The following GAA variants were observed in gnomAD, a reference collection of about 807,000 sequenced individuals.
GAA encodes alpha glucosidase.
Under a neutral mutation model 103.9 loss-of-function variants are expected in GAA, and 88 were observed. The ratio of observed to expected loss-of-function variants is 0.85; its 90% CI spans 0.71 to 1.01. GAA has a LOEUF of 1.01. GAA is among the 50% of genes least tolerant of loss of function. The pLI, the probability that GAA is intolerant of heterozygous loss-of-function variation, is 0.00. For missense variants in GAA, 1,350 were observed against 1,305.3 expected (o/e 1.03, Z -0.53); for synonymous variants, 572 against 563.1 (o/e 1.02, Z -0.22).
rs2143854600 is a variant in GAA at position 80,108,499 on chromosome 17, C to T, written c.1086C>T (p.Phe362=). 6.2e-7 allele frequency: 1 copy of T among 1,613,088 alleles called. No homozygotes were observed. The highest frequency in any genetic ancestry group is 1.1e-5 in the South Asian group (1 of 91,090). ...GGCGTTGGCCTGCAGGATACCCGTT[C>T]ATGCCGCCATACTGGGGCCTGGGCT... ...QQYLDVVGYP[F]MPPYWGLGFH... The change falls in exon 7 of 20, where the codon TTC becomes TTT. Residue 362 remains phenylalanine, a synonymous_variant. Coordinates refer to ENST00000302262, the MANE Select transcript of GAA (RefSeq NM_000152.5).
rs1408592377 is a variant in GAA at position 80,118,364 on chromosome 17, CCTGGGG to C, written c.2646+11_2646+16del. On this transcript the variant is annotated splice_region_variant and intron_variant, in intron 18 of 19. Coordinates refer to ENST00000302262, the MANE Select transcript of GAA (RefSeq NM_000152.5). ...CATCTTCCTGGCCAGGAATGTGAGT[CCTGGGG>C]CTGCTCAGGCTGGTGGGCAGGGGCC... 1.3e-6 allele frequency: 2 copies of C among 1,561,120 alleles called. No homozygotes were observed. The highest frequency in any genetic ancestry group is 1.7e-6 in the Non-Finnish European group (2 of 1,152,204).
intron 15 of GAA, among the ~76,000 whole-genome samples, chr17:80,114,941 T>G (rs1029613313): frequency 1.3e-5 from 2 of 151,050 alleles, no homozygotes; most frequent in African/African-American, 4.9e-5. Context: ...CTCTGAACAC[T>G]TTGAACTTGT....
Position 80,112,861 on chromosome 17 carries a change from A to T in GAA, c.1889-15A>T, listed in dbSNP as rs769015085. 2 of 1,603,556 alleles carry T rather than the reference A, an allele frequency of 1.2e-6. No individual in the cohort carries two copies. The highest frequency in any genetic ancestry group is 3.4e-5 in the Admixed American group (2 of 58,922). Reference sequence around the variant, plus strand: ...CTGCAGCAGCCTGAGGACCAGCCTGACTCTGCCCTCCCAGAAATCCTGCAG... The same window carrying T: ...CTGCAGCAGCCTGAGGACCAGCCTGTCTCTGCCCTCCCAGAAATCCTGCAG... On this transcript the variant is annotated splice_polypyrimidine_tract_variant and intron_variant, in intron 13 of 19. Transcript: ENST00000302262.
chr17:80,110,817 G>A lies in GAA; in HGVS notation c.1528G>A (p.Val510Met). Residue 510 changes from valine (V) to methionine (M), a missense_variant, in exon 10 of 20, where the codon GTG becomes ATG. Coordinates refer to ENST00000302262, the MANE Select transcript of GAA (RefSeq NM_000152.5). The stretch of plus-strand genomic sequence containing the variant: ...CATGGTGGCTGAGTTCCATGACCAG[G>A]TGCCCTTCGACGGCATGTGGATTGT... ...EDMVAEFHDQ[V>M]PFDGMWIDMN... 6.2e-7 allele frequency: 1 copy of A among 1,614,150 alleles called. No individual in the cohort carries two copies. Among genetic ancestry groups the A allele is most frequent in the Non-Finnish European group, 8.5e-7 (1 of 1,180,030 alleles).
At chr17:80,106,256 C>T (rs2039084745) in intron 3 of GAA, among the ~76,000 whole-genome samples, 1 of 152,214 alleles carries the variant, frequency 6.6e-6, no homozygotes, top group Non-Finnish European at 1.5e-5. Flanking sequence ...CGCACTGACC[C>T]TCCGTGCCGG....
chr17:80,112,771 C>A (rs1038588035), intron 13 of GAA, 60 bp downstream of exon 13: 2 of 1,578,460 alleles, frequency 1.3e-6, no homozygotes, highest in Non-Finnish European at 1.7e-6. Context: ...CTATGGGAGG[C>A]TTGCCGGGGC....
intron 3 of GAA, 21 bp downstream of exon 3, chr17:80,105,915 C>T (rs2039075495): frequency 1.9e-6 from 3 of 1,578,678 alleles, no homozygotes; most frequent in Non-Finnish European, 2.6e-6. Context: ...GGCTCTGTGC[C>T]AGCATGATGG....
At chr17:80,118,154 G>C (rs372203482) in intron 17 of GAA, 39 bp from the exon 18 acceptor site, 23 of 1,609,472 alleles carry the variant, frequency 1.4e-5, no homozygotes, top group Non-Finnish European at 1.8e-5. Flanking sequence ...ACCTCCACCA[G>C]GGTGGGGATG....
In GAA at chr17:80,118,353, G is replaced by A. The variant is rs2039406644; in HGVS notation, c.2642G>A (p.Arg881Lys). The A allele has an allele frequency of 6.4e-7, 1 of 1,561,818 alleles. No individual in the cohort carries two copies. The highest frequency in any genetic ancestry group is 1.8e-5 in the Admixed American group (1 of 54,930). Residue 881 changes from arginine to lysine, a missense_variant, in exon 18 of 20, where the codon AGG becomes AAG. Physicochemically the swap from Arg to Lys is conservative, Grantham distance 26 (BLOSUM62 2). Transcript: ENST00000302262. ...GAYTQVIFLA[R>K]NNTIVNELVR... ...TACACACAGGTCATCTTCCTGGCCAGGAATGTGAGTCCTGGGGCTGCTCAG... is the reference window on the plus strand; with the variant it reads ...TACACACAGGTCATCTTCCTGGCCAAGAATGTGAGTCCTGGGGCTGCTCAG...
In GAA at chr17:80,119,525, GAGCTTTCTC is replaced by G. The variant is rs1393175730; in HGVS notation, c.*195_*203del. 5.6e-4 allele frequency: 354 copies of G among 632,802 alleles called. No homozygotes were observed. The highest frequency in any genetic ancestry group is 5.4e-3 in the African/African-American group (298 of 55,482). The allele number at this position is 632,802 out of a possible 1,614,324, so 39.2% of individuals were successfully genotyped here. On this transcript the variant is annotated 3_prime_UTR_variant, in exon 20 of 20. Transcript: ENST00000302262. The stretch of plus-strand genomic sequence containing the variant: ...GCTCTGGCCCCCAACGTGTCTAGGA[GAGCTTTCTC>G]CCTAGATCGCACTGTGGGCCGGGGC...
Position 80,104,527 on chromosome 17 carries a change from C to A in GAA, c.-32-28C>A. The A allele has an allele frequency of 1.3e-6, 2 of 1,530,164 alleles. No individual in the cohort carries two copies. Among genetic ancestry groups the A allele is most frequent in the Non-Finnish European group, 8.8e-7 (1 of 1,133,126 alleles). The allele number at this position is 1,530,164 out of a possible 1,614,324, so 94.8% of individuals were successfully genotyped here. On this transcript the variant is annotated intron_variant, in intron 1 of 19. Transcript: ENST00000302262. The surrounding 1 kb of genome is among the most constrained non-coding windows in gnomAD (Gnocchi z 4.0). ...CGTGAGTGCCGCCCCTCCCGCCTCC[C>A]TGCTGAGCCCGCTTTCTTCTCCCGC...
At chr17:80,111,931 T>C (rs1347969219) in intron 11 of GAA, 52 bp from the exon 12 acceptor site, 23 of 1,518,330 alleles carry the variant, frequency 1.5e-5, no homozygotes, top group Non-Finnish European at 2.0e-5. Context: ...GGAGGGCACC[T>C]TGGAGCCTGC....
intron 15 of GAA, among the ~76,000 whole-genome samples, chr17:80,115,103 G>A (rs1167977266): frequency 6.6e-6 from 1 of 152,128 alleles, no homozygotes; most frequent in East Asian, 1.9e-4. Flanking sequence ...TTGGACGTAT[G>A]CATTGATGTT....
chr17:80,117,861 C>A (rs1598592627), intron 17 of GAA, 112 bp downstream of exon 17: 1 of 1,134,518 alleles, frequency 8.8e-7, no homozygotes, highest in East Asian at 2.6e-5. Context: ...AGGGGCCGCC[C>A]CCCGCAGTGT....
At chr17:80,110,913 T>A in intron 10 of GAA, 28 bp from the exon 11 acceptor site, 1 of 1,613,644 alleles carries the variant, frequency 6.2e-7, no homozygotes, top group Non-Finnish European at 8.5e-7. Context: ...CTGGGCAGAG[T>A]CACCTACCAG....
chr17:80,117,141 C>G (rs201279755), intron 16 of GAA, 32 bp downstream of exon 16: 2 of 1,607,670 alleles, frequency 1.2e-6, no homozygotes, highest in South Asian at 1.1e-5. Context: ...CCTGGGGAGA[C>G]GGGAGACCAG....
intron 5 of GAA, 108 bp from the exon 6 acceptor site, chr17:80,108,182 C>T: frequency 6.3e-7 from 1 of 1,587,004 alleles, no homozygotes; most frequent in Non-Finnish European, 8.6e-7. Flanking sequence ...CTGAGCTCCT[C>T]GTGGGGAGAG....
chr17:80,112,805 G>T, intron 13 of GAA, 71 bp from the exon 14 acceptor site: 6 of 1,579,006 alleles, frequency 3.8e-6, no homozygotes, highest in Non-Finnish European at 5.2e-6. Flanking sequence ...AGCAGGTGGG[G>T]CTCTGGGTCA....
chr17:80,112,108 C>T lies in GAA; in HGVS notation c.1754+8C>T, dbSNP rs1349192080. On this transcript the variant is annotated splice_region_variant and intron_variant, in intron 12 of 19. Coordinates refer to ENST00000302262, the MANE Select transcript of GAA (RefSeq NM_000152.5). ...AGCCATCGCCTCCCACAGGTGAGGGCCACGTCCCGCCCCACTGGGCTCTGC... is the reference window on the plus strand; with the variant it reads ...AGCCATCGCCTCCCACAGGTGAGGGTCACGTCCCGCCCCACTGGGCTCTGC... 6.2e-7 allele frequency: 1 copy of T among 1,608,192 alleles called. No homozygotes were observed. Among genetic ancestry groups the T allele is most frequent in the African/African-American group, 1.3e-5 (1 of 74,826 alleles).
Sources: allele counts gnomAD v4.1 joint callset (sites outside exome capture counted in the v4.1 genomes callset), GRCh38; gene constraint gnomAD v4.1.1; non-coding constraint Gnocchi (gnomAD v3.1); transcripts MANE v1.5; gene names NCBI Gene and HGNC (gene_info 2026-07-23, HGNC 2026-07-21).